Variants in SIPA1L1 observed in about 807,000 individuals in gnomAD.
The protein encoded by SIPA1L1 is signal-induced proliferation-associated 1-like protein 1.
A neutral mutation model predicts 162.7 loss-of-function variants in SIPA1L1; 26 were observed. The observed-to-expected ratio is 0.16, with a 90% CI of 0.12 to 0.22. SIPA1L1 has a LOEUF of 0.22. SIPA1L1 is among the 10% of genes least tolerant of loss of function. The pLI, the probability that SIPA1L1 is intolerant of heterozygous loss-of-function variation, is 1.00. For missense variants in SIPA1L1, 1,874 were observed against 2,241.0 expected (o/e 0.84, Z 3.31); for synonymous variants, 829 against 837.4 (o/e 0.99, Z 0.17).
intron 8 of SIPA1L1, among the ~76,000 whole-genome samples, chr14:71,651,088 T>G (rs560838155): frequency 1.1e-4 from 17 of 152,328 alleles, no homozygotes; most frequent in East Asian, 9.6e-4. Flanking sequence ...ACAATCTGTT[T>G]AACTATGGTG....
At chr14:71,673,836 C>T (rs1277584241) in intron 12 of SIPA1L1, among the ~76,000 whole-genome samples, 1 of 152,202 alleles carries the variant, frequency 6.6e-6, no homozygotes, top group African/African-American at 2.4e-5. Context: ...CCCACATACC[C>T]TGCCTTAGTT....
chr14:71,428,849 C>T (rs2043777657), intron 2 of SIPA1L1, among the ~76,000 whole-genome samples: 1 of 152,194 alleles, frequency 6.6e-6, no homozygotes, highest in Non-Finnish European at 1.5e-5. Context: ...CAGCTACCTG[C>T]CCCAGGACTT....
chr14:71,364,349 C>T (rs1401085431), intron 2 of SIPA1L1, among the ~76,000 whole-genome samples: 5 of 152,152 alleles, frequency 3.3e-5, no homozygotes, highest in Non-Finnish European at 5.9e-5. Context: ...TCCATCTTTC[C>T]CAAATGTTCC....
rs1352084223 is a variant in SIPA1L1 at position 71,587,935 on chromosome 14, T to C, written c.63T>C (p.Val21=). ...TTGCCACTGACAGGGCCTCTGTTGT[T>C]GGCACAGACGGCACCCCCAAAGTCC... is the stretch of plus-strand genomic sequence containing the variant. The part of the protein sequence containing the change: ...RPLATDRASV[V]GTDGTPKVHT... Residue 21 remains valine (V), a synonymous_variant, in exon 5 of 24, where the codon GTT becomes GTC. Coordinates refer to ENST00000381232, the MANE Select transcript of SIPA1L1 (RefSeq NM_001386936.1). 1 of 1,614,068 alleles carries C rather than the reference T, an allele frequency of 6.2e-7. No individual in the cohort carries two copies. The highest frequency in any genetic ancestry group is 8.5e-7 in the Non-Finnish European group (1 of 1,179,922).
At chr14:71,379,292 T>C (rs569221860) in intron 2 of SIPA1L1, among the ~76,000 whole-genome samples, 1 of 151,792 alleles carries the variant, frequency 6.6e-6, no homozygotes, top group Non-Finnish European at 1.5e-5. Flanking sequence ...ATTAAGACTT[T>C]CTTTCTTTCT....
At chr14:71,536,137 AAG>A (rs1211212346) in intron 4 of SIPA1L1, among the ~76,000 whole-genome samples, 15 of 152,026 alleles carry the variant, frequency 9.9e-5, no homozygotes, top group Non-Finnish European at 1.3e-4. Context: ...AAAAAAAAAA[AAG>A]AGTCTGGCTT....
chr14:71,383,559 G>C (rs936274621), intron 2 of SIPA1L1, among the ~76,000 whole-genome samples: 2 of 152,140 alleles, frequency 1.3e-5, no homozygotes, highest in Non-Finnish European at 2.9e-5. Flanking sequence ...ATAAAGAAAA[G>C]GGGCTTAATT....
chr14:71,495,886 CAAAAAAAAAAAAAAA>C lies in SIPA1L1; in HGVS notation c.-464-16844_-464-16830del, dbSNP rs61183823. Among the ~76,000 whole-genome samples the C allele has an allele frequency of 2.1e-4, 8 of 38,010 alleles. No individual in the cohort carries two copies. The East Asian group carries it at 3.0e-3, about 14-fold the overall frequency. The allele number at this position is 38,010 out of a possible 152,430, so 24.9% of individuals were successfully genotyped here. The stretch of plus-strand genomic sequence containing the variant: ...GTAACATAGTGACACTCCATCTCTA[CAAAAAAAAAAAAAAA>C]AAAAAAAAAAAAGAAGAAGAAAGAA... On this transcript the variant is annotated intron_variant, in intron 2 of 23. Coordinates refer to ENST00000381232, the MANE Select transcript of SIPA1L1 (RefSeq NM_001386936.1).
At chr14:71,549,444 C>G (rs145816109) in intron 4 of SIPA1L1, among the ~76,000 whole-genome samples, 1 of 152,152 alleles carries the variant, frequency 6.6e-6, no homozygotes, top group East Asian at 1.9e-4. Context: ...CCCAGGATCT[C>G]TTTTGATTAT....
intron 3 of SIPA1L1, among the ~76,000 whole-genome samples, chr14:71,521,202 A>T (rs1595885092): frequency 6.6e-6 from 1 of 152,256 alleles, no homozygotes; most frequent in East Asian, 1.9e-4. Flanking sequence ...CTGACATCCT[A>T]TCACAAAAGA....
chr14:71,526,324 C>T (rs1156590804), intron 3 of SIPA1L1, among the ~76,000 whole-genome samples: 3 of 152,148 alleles, frequency 2.0e-5, no homozygotes, highest in Non-Finnish European at 4.4e-5. Flanking sequence ...CACCGAATTT[C>T]CCCCCTTTTC....
chr14:71,490,787 A>G (rs1011708095), intron 2 of SIPA1L1, among the ~76,000 whole-genome samples: 1 of 152,250 alleles, frequency 6.6e-6, no homozygotes, highest in Non-Finnish European at 1.5e-5. Context: ...ATTGCTTACA[A>G]TAGTTATTTT....
rs946302487 is a variant in SIPA1L1 at position 71,567,435 on chromosome 14, C to A, written c.-302-20136C>A. Among the ~76,000 whole-genome samples the A allele has an allele frequency of 5.3e-5, 8 of 151,228 alleles. No homozygotes were observed. The East Asian group carries it at 1.6e-3, about 30-fold the overall frequency. On this transcript the variant is annotated intron_variant, in intron 4 of 23. Transcript: ENST00000381232. Reference sequence around the variant, plus strand: ...AAGGATCTATAACTTTTTGTAGCAACGTGGAGAAATCTTGATAGTAATTTT... The same window carrying A: ...AAGGATCTATAACTTTTTGTAGCAAAGTGGAGAAATCTTGATAGTAATTTT...
At chr14:71,619,678 T>C (rs184725253) in intron 6 of SIPA1L1, among the ~76,000 whole-genome samples, 252 of 152,270 alleles carry the variant, frequency 1.7e-3, no homozygotes, top group African/African-American at 5.8e-3. Context: ...ATTTTTGTTA[T>C]GCATTAATAC....
At chr14:71,587,062 A>G (rs1285756972) in intron 4 of SIPA1L1, 1 of 152,256 alleles carries the variant, frequency 6.6e-6, no homozygotes, top group African/African-American at 2.4e-5. Flanking sequence ...GGAAACAAAA[A>G]ACATGTATTG....
At chr14:71,724,951 C>G (rs1041314509) in intron 19 of SIPA1L1, 116 bp downstream of exon 19, 102 of 868,632 alleles carry the variant, frequency 1.2e-4, no homozygotes, top group Non-Finnish European at 1.3e-4. Context: ...TTCACTAAGT[C>G]TCACTTCCTG....
chr14:71,565,564 A>G (rs996238224), intron 4 of SIPA1L1, among the ~76,000 whole-genome samples: 12 of 152,302 alleles, frequency 7.9e-5, no homozygotes, highest in African/African-American at 2.4e-4. Flanking sequence ...ATCTGTAACA[A>G]ACTCCTTGCC....
intron 2 of SIPA1L1, among the ~76,000 whole-genome samples, chr14:71,348,882 G>C (rs1276723651): frequency 1.3e-5 from 2 of 152,178 alleles, no homozygotes; most frequent in African/African-American, 2.4e-5. Flanking sequence ...GGCTGAAATG[G>C]ATTCTTCCCC....
chr14:71,703,271 A>C (rs1441257968), intron 15 of SIPA1L1, among the ~76,000 whole-genome samples: 2 of 152,216 alleles, frequency 1.3e-5, no homozygotes, highest in African/African-American at 4.8e-5. Flanking sequence ...TAGTTGCATC[A>C]GTGTAGGATA....
Sources: allele counts gnomAD v4.1 joint callset (sites outside exome capture counted in the v4.1 genomes callset), GRCh38; gene constraint gnomAD v4.1.1; transcripts MANE v1.5; gene names NCBI Gene and HGNC (gene_info 2026-07-23, HGNC 2026-07-21).